The following FUT8 variants were observed in gnomAD, a reference collection of about 807,000 sequenced individuals.
The protein encoded by FUT8 is alpha-(1,6)-fucosyltransferase.
Under a neutral mutation model 71.3 loss-of-function variants are expected in FUT8, and 29 were observed. The ratio of observed to expected loss-of-function variants is 0.41; its 90% CI spans 0.30 to 0.55. FUT8 has a LOEUF of 0.55. FUT8 is among the 20% of genes least tolerant of loss of function. FUT8 has a pLI of 0.34. For synonymous variants in FUT8, 254 were observed against 239.3 expected, an observed-to-expected ratio of 1.06 and a Z score of -0.57; for missense variants, 544 against 702.1, an observed-to-expected ratio of 0.77 and a Z score of 2.55.
intron 1 of FUT8, among the ~76,000 whole-genome samples, chr14:65,422,984 C>CTT (rs34536679): frequency 9.4e-5 from 12 of 127,406 alleles, no homozygotes; most frequent in East Asian, 2.3e-4. Flanking sequence ...TTCTTTCTTT[C>CTT]TTTTTTTTTT....
intron 2 of FUT8, among the ~76,000 whole-genome samples, chr14:65,546,304 T>C (rs1219196008): frequency 1.3e-5 from 2 of 151,858 alleles, no homozygotes; most frequent in East Asian, 3.8e-4. Flanking sequence ...AGTTTTTAAG[T>C]CATTAGGCTA....
chr14:65,492,917 C>T (rs1001279210), intron 2 of FUT8, among the ~76,000 whole-genome samples: 2 of 152,014 alleles, frequency 1.3e-5, no homozygotes, highest in African/African-American at 2.4e-5. Context: ...CTCTCCCTCC[C>T]CACCTGCTTC....
At chr14:65,604,123 C>T (rs1249766181) in intron 3 of FUT8, among the ~76,000 whole-genome samples, 2 of 151,782 alleles carry the variant, frequency 1.3e-5, no homozygotes, top group East Asian at 3.9e-4. Flanking sequence ...ACTACCAAAC[C>T]TAAGTAATGA....
At chr14:65,487,019 T>C (rs899548786) in intron 2 of FUT8, among the ~76,000 whole-genome samples, 7 of 152,130 alleles carry the variant, frequency 4.6e-5, no homozygotes, top group African/African-American at 1.7e-4. Context: ...GAACATTACA[T>C]AGTTTAGATG....
chr14:65,542,274 A>G (rs1025495009), intron 2 of FUT8, among the ~76,000 whole-genome samples: 8 of 152,096 alleles, frequency 5.3e-5, no homozygotes, highest in Admixed American at 2.6e-4. Context: ...TTACTGTCCC[A>G]TTTCTATATT....
At chr14:65,592,995 A>G (rs148107114) in intron 3 of FUT8, among the ~76,000 whole-genome samples, 216 of 152,256 alleles carry the variant, frequency 1.4e-3, no homozygotes, top group African/African-American at 5.0e-3. Context: ...TTTCTTTTGC[A>G]TTTTCTTCAC....
the FUT8 span, among the ~76,000 whole-genome samples, chr14:65,403,454 C>T: frequency 6.6e-6 from 1 of 152,162 alleles, no homozygotes; most frequent in Non-Finnish European, 1.5e-5. Flanking sequence ...ATCCTGTTGG[C>T]AGTTATATTG....
intron 5 of FUT8, among the ~76,000 whole-genome samples, chr14:65,625,399 C>G (rs1288545918): frequency 2.0e-5 from 3 of 152,122 alleles, no homozygotes; most frequent in Non-Finnish European, 4.4e-5. Context: ...CATAATAGTC[C>G]ATAGAGGACT....
intron 2 of FUT8, among the ~76,000 whole-genome samples, chr14:65,540,990 G>T (rs1884646738): frequency 6.6e-6 from 1 of 152,098 alleles, no homozygotes; most frequent in South Asian, 2.1e-4. Flanking sequence ...TCTGGTCTTT[G>T]GAATATAGAT....
At chr14:65,452,420 A>T (rs1217379400) in intron 1 of FUT8, among the ~76,000 whole-genome samples, 2 of 152,188 alleles carry the variant, frequency 1.3e-5, no homozygotes, top group Non-Finnish European at 2.9e-5. Context: ...AAATTAGGCG[A>T]GATCATGCGG....
chr14:65,599,996 G>C (rs1378634179), intron 3 of FUT8, among the ~76,000 whole-genome samples: 1 of 152,146 alleles, frequency 6.6e-6, no homozygotes, highest in African/African-American at 2.4e-5. Context: ...TTACTGTTGA[G>C]AGAAATGTCA....
In FUT8 at chr14:65,638,046, A is replaced by G. The variant is rs61988016; in HGVS notation, c.597+8440A>G. Among the ~76,000 whole-genome samples, 8,970 of 152,260 alleles carry G rather than the reference A, an allele frequency of 0.059. 314 individuals carry two copies. Among genetic ancestry groups the G allele is most frequent in the Admixed American group, 0.11 (1,676 of 15,294 alleles). ...AAGTTAACAACATTTAGGTTGATTT[A>G]TTGCACCTGCGCCTAAGTTGGGTCA... is the stretch of plus-strand genomic sequence containing the variant. On this transcript the variant is annotated intron_variant, in intron 6 of 10. Transcript: ENST00000673929. This position sits in a 1 kb window ranked among gnomAD's most constrained non-coding sequence, Gnocchi z 4.5.
At position 65,498,402 on chromosome 14, in the gene FUT8, T is replaced by C. The variant is rs1451797042; in HGVS notation, c.-228+42684T>C. Among the ~76,000 whole-genome samples the C allele has an allele frequency of 2.0e-5, 3 of 152,194 alleles. No individual in the cohort carries two copies. In the East Asian group the frequency reaches 5.8e-4, roughly 29 times the overall value. On this transcript the variant is annotated intron_variant, in intron 2 of 10. Transcript: ENST00000673929. ...CCAGTATCCACTTTAATAATTCTTA[T>C]GGGTTAAGTAACTGTATTTTTAATA...
At chr14:65,374,260 G>T in the FUT8 span, among the ~76,000 whole-genome samples, 19 of 152,160 alleles carry the variant, frequency 1.2e-4, no homozygotes, top group African/African-American at 4.6e-4. Flanking sequence ...TGAGTGTACA[G>T]TCTGCCATGT....
chr14:65,450,731 T>C (rs1278195561), intron 1 of FUT8, among the ~76,000 whole-genome samples: 2 of 152,194 alleles, frequency 1.3e-5, no homozygotes, highest in Non-Finnish European at 2.9e-5. Flanking sequence ...GCTGTTGATA[T>C]TCACCTATCA....
At chr14:65,416,852 C>T (rs1414336872) in intron 1 of FUT8, among the ~76,000 whole-genome samples, 1 of 148,940 alleles carries the variant, frequency 6.7e-6, no homozygotes, top group African/African-American at 2.5e-5. Flanking sequence ...GGCGTGATCA[C>T]GGCTCACTGC....
intron 3 of FUT8, among the ~76,000 whole-genome samples, chr14:65,577,157 A>G (rs1219534238): frequency 6.6e-6 from 1 of 152,068 alleles, no homozygotes; most frequent in African/African-American, 2.4e-5. Flanking sequence ...GTCTTACTAT[A>G]AATCTTTATA....
chr14:65,504,271 T>C (rs928600050), intron 2 of FUT8, among the ~76,000 whole-genome samples: 3 of 152,254 alleles, frequency 2.0e-5, no homozygotes, highest in Non-Finnish European at 4.4e-5. Flanking sequence ...GTTTAAATAA[T>C]TTTAACTATT....
At chr14:65,581,899 A>C (rs1052687226) in intron 3 of FUT8, among the ~76,000 whole-genome samples, 1 of 152,186 alleles carries the variant, frequency 6.6e-6, no homozygotes, top group East Asian at 1.9e-4. Flanking sequence ...ATTCACATAT[A>C]AATTGTGGTT....
Sources: allele counts gnomAD v4.1 joint callset (sites outside exome capture counted in the v4.1 genomes callset), GRCh38; gene constraint gnomAD v4.1.1; non-coding constraint Gnocchi (gnomAD v3.1); transcripts MANE v1.5; gene names NCBI Gene and HGNC (gene_info 2026-07-23, HGNC 2026-07-21).